STAB1: variants seen among roughly 807,000 people sequenced by gnomAD.
The protein encoded by STAB1 is stabilin 1, also known as stabilin-1.
Under a neutral mutation model 332.4 loss-of-function variants are expected in STAB1, and 250 were observed. That is an observed-to-expected ratio of 0.75 (90% CI 0.68 to 0.84). The LOEUF is 0.84. STAB1 is among the 40% of genes least tolerant of loss of function. The pLI, the probability that STAB1 is intolerant of heterozygous loss-of-function variation, is 0.00. For synonymous variants in STAB1, 1,475 were observed against 1,390.4 expected (o/e 1.06, Z -1.35); for missense variants, 3,249 against 3,489.7 (o/e 0.93, Z 1.74).
chr3:52,504,944 G>T, intron 12 of STAB1, 59 bp from the exon 13 acceptor site: 1 of 1,612,576 alleles, frequency 6.2e-7, no homozygotes, highest in Non-Finnish European at 8.5e-7. Flanking sequence ...AGGTGGGAGG[G>T]AGCCTCCGGA....
At chr3:52,517,267 AGGAAG>A in intron 42 of STAB1, 48 bp from the exon 43 acceptor site, 1 of 1,508,600 alleles carries the variant, frequency 6.6e-7, no homozygotes. Context: ...CAAAGGACAG[AGGAAG>A]GGGGGGGCCA....
At chr3:52,495,871 T>A (rs1578332450) in intron 1 of STAB1, among the ~76,000 whole-genome samples, 1 of 152,318 alleles carries the variant, frequency 6.6e-6, no homozygotes, top group Non-Finnish European at 1.5e-5. Flanking sequence ...GACTACAGAT[T>A]CACGTGGGGC....
At chr3:52,498,990 G>A (rs1708241863) in intron 1 of STAB1, among the ~76,000 whole-genome samples, 1 of 152,250 alleles carries the variant, frequency 6.6e-6, no homozygotes, top group Non-Finnish European at 1.5e-5. Context: ...AGGCTCTGGG[G>A]CCCTGGTATT....
chr3:52,506,251 G>C lies in STAB1; in HGVS notation c.1830+1G>C. 1.9e-6 allele frequency: 3 copies of C among 1,610,912 alleles called. No homozygotes were observed. In the South Asian group the frequency reaches 3.3e-5, roughly 18 times the overall value. ...CCTGGCTGTGAACATTTCTGAGGAGGTGAGGTGCACGGACACCTGGGCGGA... is the reference window on the plus strand; with the variant it reads ...CCTGGCTGTGAACATTTCTGAGGAGCTGAGGTGCACGGACACCTGGGCGGA... On this transcript the variant is annotated splice_donor_variant, in intron 17 of 68. Coordinates refer to ENST00000321725, the MANE Select transcript of STAB1 (RefSeq NM_015136.3). LOFTEE classifies it high-confidence loss of function.
intron 1 of STAB1, among the ~76,000 whole-genome samples, chr3:52,498,598 C>T (rs1291264834): frequency 4.6e-5 from 7 of 152,404 alleles, no homozygotes; most frequent in East Asian, 3.8e-4. Context: ...ACTCACCCAT[C>T]GCTCCATCTA....
At chr3:52,508,187 T>A (rs977880180) in intron 20 of STAB1, 86 bp from the exon 21 acceptor site, 1 of 1,420,028 alleles carries the variant, frequency 7.0e-7, no homozygotes, top group Non-Finnish European at 9.8e-7. Flanking sequence ...TCCGTCACTC[T>A]GGAGATGGGG....
Position 52,518,906 on chromosome 3 carries a change from C to CCCCGCCCTGCCCCGT in STAB1, c.5034+44_5034+45insTGCCCCGTCCCGCCC, listed in dbSNP as rs2078972034. 5 of 1,439,294 alleles carry CCCCGCCCTGCCCCGT rather than the reference C, an allele frequency of 3.5e-6. No homozygotes were observed. The African/African-American group carries it at 4.7e-5, about 13-fold the overall frequency. 89.2% of individuals were successfully genotyped at this position (1,439,294 alleles called of 1,614,324 possible). ...CCCTGGCCTGCCCCGCTCCATCCCG[C>CCCCGCCCTGCCCCGT]CCCGCCCCGCCCCTGCGCGCCATTG... On this transcript the variant is annotated intron_variant, in intron 48 of 68. Transcript: ENST00000321725.
chr3:52,511,703 C>A lies in STAB1; in HGVS notation c.2841C>A (p.Pro947=). ...GFAGDGYQCS[P]IDPCRAGNGG... is the part of the protein sequence containing the mutation. The stretch of plus-strand genomic sequence containing the variant: ...CCGGGGATGGCTACCAGTGCAGCCC[C>A]ATCGACCCCTGCCGGGCAGGCAATG... The change falls in exon 26 of 69, where the codon CCC becomes CCA. Residue 947 remains proline (P), a synonymous_variant. Coordinates refer to ENST00000321725, the MANE Select transcript of STAB1 (RefSeq NM_015136.3). 6.2e-7 allele frequency: 1 copy of A among 1,608,646 alleles called. No homozygotes were observed. Among genetic ancestry groups the A allele is most frequent in the Non-Finnish European group, 8.5e-7 (1 of 1,177,250 alleles).
In STAB1 at chr3:52,519,503, A is replaced by G; in HGVS notation, c.5176-2A>G. On this transcript the variant is annotated splice_acceptor_variant, in intron 49 of 68. Transcript: ENST00000321725. LOFTEE classifies it high-confidence loss of function. ...TAGCTGTTTATGAGAGCCTTTCCTC[A>G]GAGAAATGTCACCGCCGCCGCCCAG... 6.2e-7 allele frequency: 1 copy of G among 1,613,226 alleles called. No individual in the cohort carries two copies. The highest frequency in any genetic ancestry group is 8.5e-7 in the Non-Finnish European group (1 of 1,179,972).
Position 52,513,749 on chromosome 3 carries a change from G to A in STAB1, c.3303G>A (p.Val1101=). ...RVWVQNASVD[V]ADLLATNGVL... ...GGGTGCAGAATGCCAGCGTGGATGT[G>A]GCTGACCTCCTTGCCACCAACGGTG... The change falls in exon 31 of 69, where the codon GTG becomes GTA. Residue 1101 remains valine (V), a synonymous_variant. Transcript: ENST00000321725. 1 of 1,613,420 alleles carries A rather than the reference G, an allele frequency of 6.2e-7. No individual in the cohort carries two copies. Among genetic ancestry groups the A allele is most frequent in the Non-Finnish European group, 8.5e-7 (1 of 1,180,010 alleles).
Position 52,515,443 on chromosome 3 carries a change from T to C in STAB1, c.3885T>C (p.Cys1295=). The change falls in exon 37 of 69, where the codon TGT becomes TGC. Residue 1295 remains cysteine (C), a synonymous_variant. Transcript: ENST00000321725. ...TCCAGGACACACCCAGGAAGAGCTG[T>C]GTCTACCGATCTGGCTTCTCCTTCT... is the stretch of plus-strand genomic sequence containing the variant. The part of the protein sequence containing the change: ...FQLQDTPRKS[C]VYRSGFSFSR... The C allele has an allele frequency of 6.2e-7, 1 of 1,613,390 alleles. No individual in the cohort carries two copies. Among genetic ancestry groups the C allele is most frequent in the Non-Finnish European group, 8.5e-7 (1 of 1,180,012 alleles).
At chr3:52,500,175 C>T (rs1708339731) in intron 1 of STAB1, among the ~76,000 whole-genome samples, 1 of 152,232 alleles carries the variant, frequency 6.6e-6, no homozygotes, top group Non-Finnish European at 1.5e-5. Context: ...TCTCCAGCCT[C>T]CCCTCGGGCC....
rs770202042 is a variant in STAB1, at chr3:52,503,022, C to T, written c.607C>T (p.Arg203Cys). The change falls in exon 7 of 69, where the codon CGC becomes TGC. Residue 203 changes from arginine (R) to cysteine (C), a missense_variant. By Grantham distance (180) the Arg-to-Cys change is radical (BLOSUM62 -3). Transcript: ENST00000321725. ...DQELPVCQEL[R>C]CPQNTQCSAE... ...AGAGCTGCCCGTCTGCCAGGAGCTG[C>T]GCTGTCCCCAGAACACCCAGTGCTC... The T allele has an allele frequency of 3.3e-5, 53 of 1,595,994 alleles. No individual in the cohort carries two copies. The highest frequency in any genetic ancestry group is 1.9e-4 in the Middle Eastern group (1 of 5,364).
chr3:52,495,552 A>C (rs1193198264), intron 1 of STAB1, 61 bp downstream of exon 1: 1 of 1,250,416 alleles, frequency 8.0e-7, no homozygotes, highest in African/African-American at 1.5e-5. Context: ...AGCGGTGGGA[A>C]CAGGGAGGGA....
At position 52,502,659 on chromosome 3, in the gene STAB1, A is replaced by G; in HGVS notation, c.515A>G (p.Asn172Ser). The change falls in exon 6 of 69, where the codon AAC (asparagine) becomes AGC (serine). Residue 172 changes from asparagine (N) to serine (S), a missense_variant. By Grantham distance (46) the Asn-to-Ser change is conservative. Coordinates refer to ENST00000321725, the MANE Select transcript of STAB1 (RefSeq NM_015136.3). ...SVCSCVHGVC[N>S]HGPRGDGSCL... ...TGCAGCTGTGTGCACGGAGTGTGCA[A>G]CCATGGGCCACGTGGGGATGGAAGC... 6.2e-7 allele frequency: 1 copy of G among 1,613,760 alleles called. No homozygotes were observed. Among genetic ancestry groups the G allele is most frequent in the Non-Finnish European group, 8.5e-7 (1 of 1,179,890 alleles).
In STAB1 at chr3:52,504,067, C is replaced by T; in HGVS notation, c.1062C>T (p.Ala354=). 2 of 1,587,466 alleles carry T rather than the reference C, an allele frequency of 1.3e-6. No individual in the cohort carries two copies. The highest frequency in any genetic ancestry group is 1.7e-6 in the Non-Finnish European group (2 of 1,166,930). ...CRESEVGDGR[A]CYGHLLHEVQ... is the part of the protein sequence containing the mutation. ...AAAGCGAGGTGGGGGATGGGCGTGC[C>T]TGCTACGGACACCTGCTCCACGAGG... The change falls in exon 10 of 69, where the codon GCC becomes GCT. Residue 354 remains alanine, a synonymous_variant. Coordinates refer to ENST00000321725, the MANE Select transcript of STAB1 (RefSeq NM_015136.3).
intron 30 of STAB1, 80 bp from the exon 31 acceptor site, chr3:52,513,637 C>A: frequency 7.0e-7 from 1 of 1,432,510 alleles, no homozygotes; most frequent in Non-Finnish European, 9.5e-7. Context: ...GTGTGCCTGG[C>A]AGTCTCTCTG....
chr3:52,515,399 C>A, intron 36 of STAB1, 24 bp from the exon 37 acceptor site: 1 of 1,611,128 alleles, frequency 6.2e-7, no homozygotes, highest in South Asian at 1.1e-5. Flanking sequence ...CTGGCTGACC[C>A]CTCCTGCCTG....
Position 52,516,408 on chromosome 3 carries a change from CTG to C in STAB1, c.4201_4202del (p.Val1401LeufsTer2), listed in dbSNP as rs1559706241. 3.1e-6 allele frequency: 5 copies of C among 1,611,174 alleles called. No individual in the cohort carries two copies. Among genetic ancestry groups the C allele is most frequent in the African/African-American group, 1.3e-5 (1 of 75,002 alleles). Reference sequence around the variant, plus strand: ...AGGAGGGGCTGCAAGGGGACGGAAGCTGTGTCTGTAACGTGGGCTGGCAGGGC... The same window carrying C: ...AGGAGGGGCTGCAAGGGGACGGAAGCTGTCTGTAACGTGGGCTGGCAGGGC... ...CQEGLQGDGS[C>X]VCNVGWQGLR... On this transcript the variant is annotated frameshift_variant, in exon 39 of 69. Transcript: ENST00000321725. LOFTEE classifies it high-confidence loss of function.
Sources: gnomAD v4.1 joint callset for allele counts (sites outside exome capture counted in the v4.1 genomes callset) on GRCh38, gnomAD v4.1.1 for gene constraint, MANE v1.5 for transcripts, NCBI Gene and HGNC (gene_info 2026-07-23, HGNC 2026-07-21) for gene names.